ATRN: variants seen among roughly 807,000 people sequenced by gnomAD.
The protein encoded by ATRN is attractin-2.
ATRN carries 54 observed loss-of-function variants against 178.7 expected under a neutral mutation model. That is an observed-to-expected ratio of 0.30 (90% CI 0.24 to 0.38). The LOEUF (loss-of-function observed/expected upper bound fraction) is 0.38. Ranked by LOEUF, ATRN falls within the 10% of genes least tolerant of loss-of-function variation. ATRN has a pLI of 1.00. For synonymous variants in ATRN, 636 were observed against 663.0 expected (o/e 0.96, Z 0.63); for missense variants, 1,443 against 1,815.1 (o/e 0.79, Z 3.73).
At chr20:3,541,178 C>T (rs1176391048) in intron 3 of ATRN, among the ~76,000 whole-genome samples, 16 of 150,992 alleles carry the variant, frequency 1.1e-4, no homozygotes, top group African/African-American at 3.4e-4. Flanking sequence ...CCCGGGTTCA[C>T]GCCATTCTCC....
intron 1 of ATRN, among the ~76,000 whole-genome samples, chr20:3,528,242 C>G (rs572303645): frequency 1.3e-5 from 2 of 152,030 alleles, no homozygotes; most frequent in Admixed American, 1.3e-4. Context: ...GTGGTGGGCG[C>G]CTGTAATCCC....
rs1054914844 is a variant in ATRN at position 3,518,197 on chromosome 20, G to A, written c.411-17056G>A. Among the ~76,000 whole-genome samples, 25 of 152,258 alleles carry A rather than the reference G, an allele frequency of 1.6e-4. No homozygotes were observed. In the South Asian group the frequency reaches 4.8e-3, roughly 29 times the overall value. On this transcript the variant is annotated intron_variant, in intron 1 of 28. Transcript: ENST00000262919. ...GATGTTGGCAATCCAGTTGAGGGAC[G>A]TGGTATAACGGGACCCAGCACTGCA...
In ATRN at chr20:3,540,806, A is replaced by G. The variant is rs2085608136; in HGVS notation, c.608+471A>G. Reference sequence around the variant, plus strand: ...TGTGTGTGTATGTGCATCATGAGTGAGGGAAACTTTTTGGAACAGTACATA... The same window carrying G: ...TGTGTGTGTATGTGCATCATGAGTGGGGGAAACTTTTTGGAACAGTACATA... On this transcript the variant is annotated intron_variant, in intron 3 of 28. Transcript: ENST00000262919. 1.3e-5 allele frequency among the ~76,000 whole-genome samples: 2 copies of G among 152,160 alleles called. 1 individual carries two copies. Among genetic ancestry groups the G allele is most frequent in the South Asian group, 4.1e-4 (2 of 4,828 alleles).
intron 18 of ATRN, among the ~76,000 whole-genome samples, chr20:3,590,967 C>G (rs2086433614): frequency 6.6e-6 from 1 of 152,150 alleles, no homozygotes; most frequent in South Asian, 2.1e-4. Flanking sequence ...TTTCACCTTG[C>G]TGTGATACAT....
intron 7 of ATRN, among the ~76,000 whole-genome samples, chr20:3,560,455 G>T (rs112300954): frequency 1.2e-3 from 180 of 152,244 alleles, no homozygotes; most frequent in African/African-American, 4.1e-3. Context: ...ATTAACATGG[G>T]AGTGCAGATA....
chr20:3,604,283 T>G (rs1192077215), intron 24 of ATRN, 21 bp downstream of exon 24: 4 of 1,573,768 alleles, frequency 2.5e-6, no homozygotes, highest in Non-Finnish European at 3.4e-6. Context: ...GCTTTTGGTC[T>G]CATACCTGCA....
intron 24 of ATRN, among the ~76,000 whole-genome samples, chr20:3,615,532 T>G (rs1416357208): frequency 6.6e-6 from 1 of 151,622 alleles, no homozygotes; most frequent in Non-Finnish European, 1.5e-5. Context: ...TAAGTACAGT[T>G]TAATTCTTTT....
At chr20:3,582,593 T>C (rs1316145746) in intron 16 of ATRN, among the ~76,000 whole-genome samples, 1 of 152,190 alleles carries the variant, frequency 6.6e-6, no homozygotes, top group Non-Finnish European at 1.5e-5. Flanking sequence ...GAAACTGATA[T>C]TCTAATTAAC....
chr20:3,529,131 A>G (rs2085414901), intron 1 of ATRN, among the ~76,000 whole-genome samples: 1 of 152,142 alleles, frequency 6.6e-6, no homozygotes, highest in Non-Finnish European at 1.5e-5. Context: ...ATCTTTAAAT[A>G]TCAGAAAAAT....
At position 3,649,662 on chromosome 20, in the gene ATRN, A is replaced by G. The variant is rs1054517861; in HGVS notation, c.*2815A>G. 3 of 152,222 alleles carry G rather than the reference A, an allele frequency of 2.0e-5. No individual in the cohort carries two copies. The highest frequency in any genetic ancestry group is 4.4e-5 in the Non-Finnish European group (3 of 68,058). 9.4% of individuals were successfully genotyped at this position (152,222 alleles called of 1,614,324 possible). ...CCGCTGCCCTTGGCCCTGCAAGCAC[A>G]TCATGACCCTTTCTGGCAGCCTCTT... On this transcript the variant is annotated 3_prime_UTR_variant, in exon 29 of 29. Coordinates refer to ENST00000262919, the MANE Select transcript of ATRN (RefSeq NM_139321.3).
intron 23 of ATRN, among the ~76,000 whole-genome samples, chr20:3,603,164 T>C (rs1377793725): frequency 2.0e-5 from 3 of 152,002 alleles, no homozygotes; most frequent in South Asian, 2.1e-4. Flanking sequence ...GATGGAGTTA[T>C]ACCAGATTAG....
chr20:3,596,493 A>G lies in ATRN; in HGVS notation c.3469+64A>G, dbSNP rs2086530956. ...AGTTCAGTAAAACTTCATTGTTTAA[A>G]CGGGTTTGAGAATAGTAAGTGCTAT... On this transcript the variant is annotated intron_variant, in intron 21 of 28. Transcript: ENST00000262919. The G allele has an allele frequency of 6.1e-6, 9 of 1,486,452 alleles. No individual in the cohort carries two copies. The South Asian group carries it at 1.0e-4, about 17-fold the overall frequency. The allele number at this position is 1,486,452 out of a possible 1,614,324, so 92.1% of individuals were successfully genotyped here.
Position 3,522,974 on chromosome 20 carries a change from G to C in ATRN, c.411-12279G>C, listed in dbSNP as rs1398531799. On this transcript the variant is annotated intron_variant, in intron 1 of 28. Transcript: ENST00000262919. ...GATAAAGAAAAACCAGCGCAAAAAGGCTGAAAATTCCAAAAACAAGAACGC... is the reference window on the plus strand; with the variant it reads ...GATAAAGAAAAACCAGCGCAAAAAGCCTGAAAATTCCAAAAACAAGAACGC... Among the ~76,000 whole-genome samples the C allele has an allele frequency of 5.9e-5, 9 of 152,182 alleles. No individual in the cohort carries two copies. In the East Asian group the frequency reaches 9.7e-4, roughly 16 times the overall value.
intron 1 of ATRN, among the ~76,000 whole-genome samples, chr20:3,481,565 C>T (rs918595502): frequency 5.9e-5 from 9 of 152,066 alleles, no homozygotes; most frequent in African/African-American, 1.2e-4. Context: ...AGGCTGATCT[C>T]GAACTCCTGG....
chr20:3,502,133 C>T (rs926593421), intron 1 of ATRN, among the ~76,000 whole-genome samples: 5 of 151,868 alleles, frequency 3.3e-5, no homozygotes, highest in African/African-American at 7.3e-5. Flanking sequence ...TAATATTTTA[C>T]AACATGTAAT....
At position 3,610,271 on chromosome 20, in the gene ATRN, A is replaced by G. The variant is rs74449820; in HGVS notation, c.3801+6009A>G. On this transcript the variant is annotated intron_variant, in intron 24 of 28. Coordinates refer to ENST00000262919, the MANE Select transcript of ATRN (RefSeq NM_139321.3). ...AAGAAGAATAAAATGGGAAGAATCAACCTACCCAATGTTAAGGCTTACTAT... is the reference window on the plus strand; with the variant it reads ...AAGAAGAATAAAATGGGAAGAATCAGCCTACCCAATGTTAAGGCTTACTAT... Among the ~76,000 whole-genome samples, 1,442 of 152,332 alleles carry G rather than the reference A, an allele frequency of 9.5e-3. 21 individuals are homozygous for G. The highest frequency in any genetic ancestry group is 0.031 in the African/African-American group (1,278 of 41,556).
intron 20 of ATRN, among the ~76,000 whole-genome samples, chr20:3,595,449 G>T (rs2086515107): frequency 6.6e-6 from 1 of 152,194 alleles, no homozygotes; most frequent in Non-Finnish European, 1.5e-5. Context: ...GTGCTACTCA[G>T]CAGGGTTTGG....
chr20:3,550,903 G>A (rs1760749124), intron 6 of ATRN, among the ~76,000 whole-genome samples: 1 of 152,186 alleles, frequency 6.6e-6, no homozygotes, highest in African/African-American at 2.4e-5. Context: ...ACCTCAGCAA[G>A]TCATTTGTGT....
chr20:3,484,626 C>T (rs1306696147), intron 1 of ATRN, among the ~76,000 whole-genome samples: 1 of 152,082 alleles, frequency 6.6e-6, no homozygotes, highest in African/African-American at 2.4e-5. Context: ...CTTGGCTCCC[C>T]TAATTTCAAC....
Sources: allele counts gnomAD v4.1 joint callset (sites outside exome capture counted in the v4.1 genomes callset), GRCh38; gene constraint gnomAD v4.1.1; transcripts MANE v1.5; gene names NCBI Gene and HGNC (gene_info 2026-07-23, HGNC 2026-07-21).